The following CLDN14 variants were observed in gnomAD, a reference collection of about 807,000 sequenced individuals.
CLDN14 encodes the protein claudin 14.
A neutral mutation model predicts 2.1 loss-of-function variants in CLDN14; 2 were observed. The ratio of observed to expected loss-of-function variants is 0.96; its 90% confidence interval spans 0.39 to 3.01. CLDN14 has a LOEUF of 3.01. CLDN14 is among the 30% of genes most tolerant of loss of function. CLDN14 has a pLI of 0.09. For missense variants in CLDN14, 298 were observed against 328.0 expected, an observed-to-expected ratio of 0.91 and a Z score of 0.71; for synonymous variants, 136 against 154.4, an observed-to-expected ratio of 0.88 and a Z score of 0.88.
At chr21:36,569,984 T>G (rs944742805) in intron 1 of CLDN14, among the ~76,000 whole-genome samples, 7 of 152,262 alleles carry the variant, frequency 4.6e-5, no homozygotes, top group Non-Finnish European at 1.0e-4. Flanking sequence ...GAGGTCCTGA[T>G]GACATGTGCC....
intron 2 of CLDN14, among the ~76,000 whole-genome samples, chr21:36,500,265 C>G (rs892303395): frequency 6.6e-6 from 1 of 152,086 alleles, no homozygotes; most frequent in Non-Finnish European, 1.5e-5. Context: ...GCCGGGAGCT[C>G]GCCTGAGGTC....
intron 1 of CLDN14, among the ~76,000 whole-genome samples, chr21:36,523,746 TAA>T (rs775431075): frequency 4.7e-5 from 2 of 42,936 alleles, no homozygotes; most frequent in Non-Finnish European, 4.3e-5. Flanking sequence ...AGACTCCATC[TAA>T]AAAAAAAAAA....
At chr21:36,465,488 C>T (rs958735906) in intron 1 of CLDN14, among the ~76,000 whole-genome samples, 5 of 152,254 alleles carry the variant, frequency 3.3e-5, no homozygotes, top group African/African-American at 1.2e-4. Flanking sequence ...TGCTTTCCTT[C>T]TTCCTTACCA....
intron 1 of CLDN14, among the ~76,000 whole-genome samples, chr21:36,510,818 A>G (rs1165656508): frequency 6.6e-6 from 1 of 152,274 alleles, no homozygotes; most frequent in African/African-American, 2.4e-5. Context: ...ATCTGGCTAC[A>G]GAAAAACCCA....
intron 1 of CLDN14, among the ~76,000 whole-genome samples, chr21:36,569,288 T>C (rs1259388399): frequency 6.6e-6 from 1 of 152,048 alleles, no homozygotes; most frequent in Non-Finnish European, 1.5e-5. Context: ...TGGTGGTGCA[T>C]GTCTGTAGTT....
intron 2 of CLDN14, among the ~76,000 whole-genome samples, chr21:36,508,572 C>T (rs911000185): frequency 6.6e-6 from 1 of 152,176 alleles, no homozygotes; most frequent in Non-Finnish European, 1.5e-5. Flanking sequence ...CCCGGAGAGC[C>T]AGGAGTAGTG....
rs56772352 is a variant in CLDN14 at position 36,523,781 on chromosome 21, GAGAAAGAAAGAAAGAAAGAAAGAAAGAA to G, written c.-219-13309_-219-13282del. Among the ~76,000 whole-genome samples, 85 of 38,388 alleles carry G rather than the reference GAGAAAGAAAGAAAGAAAGAAAGAAAGAA, an allele frequency of 2.2e-3. 4 individuals are homozygous for G. The highest frequency in any genetic ancestry group is 4.4e-3 in the African/African-American group (60 of 13,756). 25.2% of individuals were successfully genotyped at this position (38,388 alleles called of 152,430 possible). A position where few individuals can be genotyped will look rare whatever the true frequency, so the allele number is the denominator to read the frequency against. ...AAAAAAAGAAAGAAAGAGAGAAAGA[GAGAAAGAAAGAAAGAAAGAAAGAAAGAA>G]AGAAAGAAAGAAAGAAAGAAAGAAA... On this transcript the variant is annotated intron_variant, in intron 1 of 2. Transcript: ENST00000342108.
chr21:36,467,742 T>G (rs1300409919), intron 1 of CLDN14, among the ~76,000 whole-genome samples: 2 of 152,204 alleles, frequency 1.3e-5, no homozygotes, highest in Non-Finnish European at 2.9e-5. Flanking sequence ...CAGTCTCACC[T>G]GCTACTGTCA....
chr21:36,471,547 C>G (rs930659772), intron 1 of CLDN14, among the ~76,000 whole-genome samples: 3 of 152,126 alleles, frequency 2.0e-5, no homozygotes, highest in African/African-American at 7.2e-5. Context: ...GTCAACATGT[C>G]TTGATTTCAT....
chr21:36,511,932 G>T (rs1403255379), intron 1 of CLDN14, among the ~76,000 whole-genome samples: 2 of 152,182 alleles, frequency 1.3e-5, no homozygotes, highest in African/African-American at 4.8e-5. Context: ...AGCTGTGACT[G>T]CCTCAAGACA....
chr21:36,465,885 G>A (rs950785500), intron 1 of CLDN14, among the ~76,000 whole-genome samples: 2 of 152,224 alleles, frequency 1.3e-5, no homozygotes, highest in East Asian at 1.9e-4. Flanking sequence ...CTAACAAGAT[G>A]TGTTAGAGGA....
In CLDN14 at chr21:36,555,400, C is replaced by A. The variant is rs369637036; in HGVS notation, c.-220+21011G>T. ...CGGCTCCCGTGCCCTGCACGGGGTG[C>A]GCTGTTATGCTTCAAAACAGGACTT... On this transcript the variant is annotated intron_variant, in intron 1 of 2. Coordinates refer to the CLDN14 transcript ENST00000342108. Among the ~76,000 whole-genome samples, 89 of 152,320 alleles carry A rather than the reference C, an allele frequency of 5.8e-4. No individual in the cohort carries two copies. The Middle Eastern group carries it at 0.014, about 23-fold the overall frequency.
At chr21:36,503,191 T>A (rs143475288) in intron 2 of CLDN14, among the ~76,000 whole-genome samples, 4 of 152,198 alleles carry the variant, frequency 2.6e-5, no homozygotes, top group Admixed American at 6.5e-5. Flanking sequence ...GTAGCTGAGA[T>A]GACAGGTGTG....
At chr21:36,484,475 G>C (rs76269285), upstream of CLDN14, among the ~76,000 whole-genome samples, 4,330 of 152,246 alleles carry the variant, frequency 0.028, 100 homozygotes, top group Admixed American at 0.063. Context: ...AAGGCCAAGA[G>C]TCCAAAACCA....
chr21:36,486,235 G>T (rs779212502), intron 2 of CLDN14: 4 of 866,746 alleles, frequency 4.6e-6, no homozygotes, highest in Non-Finnish European at 8.0e-6. Flanking sequence ...CTCCTGCAGG[G>T]ACATCTTCAT....
At chr21:36,553,326 G>C (rs916898987) in intron 1 of CLDN14, among the ~76,000 whole-genome samples, 1 of 152,140 alleles carries the variant, frequency 6.6e-6, no homozygotes. Flanking sequence ...ATTTGGGAAG[G>C]GGGTAGATTT....
chr21:36,503,515 C>T (rs2087106476), intron 2 of CLDN14, among the ~76,000 whole-genome samples: 1 of 152,196 alleles, frequency 6.6e-6, no homozygotes. Flanking sequence ...CCCTCACAAG[C>T]TCTCTCTTTG....
chr21:36,568,886 A>G (rs927313279), intron 1 of CLDN14, among the ~76,000 whole-genome samples: 2 of 152,208 alleles, frequency 1.3e-5, no homozygotes, highest in African/African-American at 4.8e-5. Flanking sequence ...TTTGAATCCA[A>G]TAACCCATCA....
intron 1 of CLDN14, among the ~76,000 whole-genome samples, chr21:36,554,859 G>C (rs397990): frequency 0.75 from 113,645 of 152,152 alleles, 43,999 homozygotes; most frequent in Non-Finnish European, 0.87. Context: ...GGCCTGGGAA[G>C]GGTCTGCAAA....
Sources: gnomAD v4.1 joint callset for allele counts (sites outside exome capture counted in the v4.1 genomes callset) on GRCh38, gnomAD v4.1.1 for gene constraint, MANE v1.5 for transcripts, NCBI Gene and HGNC (gene_info 2026-07-23, HGNC 2026-07-21) for gene names.